MTUS2: variants seen among roughly 807,000 people sequenced by gnomAD.
The protein encoded by MTUS2 is microtubule associated scaffold protein 2, also known as microtubule-associated tumor suppressor candidate 2.
A neutral mutation model predicts 114.1 loss-of-function variants in MTUS2; 40 were observed. That is an observed-to-expected ratio of 0.35 (90% confidence interval 0.27 to 0.46). The LOEUF (loss-of-function observed/expected upper bound fraction) is 0.46, where lower values mean the gene tolerates loss of function less well. Among genes scored for constraint, MTUS2 ranks in the 20% least tolerant of loss-of-function variants. The pLI is 1.00. For missense variants in MTUS2, 1,679 were observed against 1,705.4 expected (o/e 0.98, Z 0.27); for synonymous variants, 688 against 672.0 (o/e 1.02, Z -0.37).
intron 2 of MTUS2, among the ~76,000 whole-genome samples, chr13:28,953,994 T>A (rs1882937819): frequency 6.6e-6 from 1 of 152,172 alleles, no homozygotes; most frequent in Non-Finnish European, 1.5e-5. Flanking sequence ...GACAAATGTG[T>A]CAATGGAACA....
intron 2 of MTUS2, among the ~76,000 whole-genome samples, chr13:28,933,470 T>C (rs1239641384): frequency 1.3e-5 from 2 of 152,228 alleles, no homozygotes; most frequent in African/African-American, 4.8e-5. Flanking sequence ...TTGAAGTCAA[T>C]TGATCATATG....
intron 2 of MTUS2, among the ~76,000 whole-genome samples, chr13:28,932,958 G>A (rs930707839): frequency 2.0e-5 from 3 of 152,092 alleles, no homozygotes; most frequent in African/African-American, 7.2e-5. Context: ...CCAAAATAAA[G>A]GGCATAGTTT....
chr13:29,009,366 A>AC (rs1885740214), intron 2 of MTUS2, among the ~76,000 whole-genome samples: 1 of 151,982 alleles, frequency 6.6e-6, no homozygotes, highest in Admixed American at 6.5e-5. Context: ...ATTAACTATA[A>AC]TAAATATATC....
intron 1 of MTUS2, among the ~76,000 whole-genome samples, chr13:28,822,972 G>T (rs1874010947): frequency 6.6e-6 from 1 of 152,232 alleles, no homozygotes; most frequent in African/African-American, 2.4e-5. Flanking sequence ...CTAGCTCTTT[G>T]CCTCGTGATC....
intron 6 of MTUS2, among the ~76,000 whole-genome samples, chr13:29,296,221 G>A (rs1178057420): frequency 6.6e-6 from 1 of 151,784 alleles, no homozygotes; most frequent in East Asian, 1.9e-4. Context: ...TTGTTTGTTT[G>A]TTTGTTTGTG....
At chr13:29,074,606 G>T (rs1326847786) in intron 4 of MTUS2, among the ~76,000 whole-genome samples, 1 of 152,126 alleles carries the variant, frequency 6.6e-6, no homozygotes, top group Non-Finnish European at 1.5e-5. Context: ...TACTGTCCCT[G>T]AGGTAATTTT....
intron 8 of MTUS2, among the ~76,000 whole-genome samples, chr13:29,411,208 G>A (rs1875214152): frequency 1.3e-5 from 2 of 152,278 alleles, no homozygotes; most frequent in South Asian, 2.1e-4. Flanking sequence ...TATTTTTGTG[G>A]TTTTATTTTG....
At chr13:28,995,739 T>A (rs1452851366) in intron 2 of MTUS2, among the ~76,000 whole-genome samples, 2 of 152,348 alleles carry the variant, frequency 1.3e-5, no homozygotes, top group East Asian at 3.9e-4. Context: ...TTTTTGCACA[T>A]CGATTTTGTA....
At chr13:29,112,402 TGAG>T (rs1247323226) in intron 5 of MTUS2, among the ~76,000 whole-genome samples, 1 of 152,084 alleles carries the variant, frequency 6.6e-6, no homozygotes, top group East Asian at 1.9e-4. Context: ...GTTTTGATAT[TGAG>T]GAGAATGGGT....
intron 5 of MTUS2, among the ~76,000 whole-genome samples, chr13:29,240,481 C>T (rs1459005527): frequency 1.3e-5 from 2 of 152,182 alleles, no homozygotes; most frequent in African/African-American, 4.8e-5. Flanking sequence ...AATATCTGAT[C>T]CTTGTTTACA....
chr13:29,306,390 C>T (rs1211475397), intron 6 of MTUS2, among the ~76,000 whole-genome samples: 1 of 152,122 alleles, frequency 6.6e-6, no homozygotes. Context: ...TAGAAAACCC[C>T]ATCATCTCAG....
At chr13:29,228,753 G>A (rs370441111) in intron 5 of MTUS2, among the ~76,000 whole-genome samples, 56 of 152,138 alleles carry the variant, frequency 3.7e-4, no homozygotes, top group African/African-American at 1.2e-3. Flanking sequence ...AAGGAGAAGG[G>A]GGGGAAGAAA....
chr13:29,219,648 T>A (rs1428009998), intron 5 of MTUS2, among the ~76,000 whole-genome samples: 2 of 152,216 alleles, frequency 1.3e-5, no homozygotes, highest in African/African-American at 4.8e-5. Context: ...AGAAGACTGT[T>A]TCATCTACAT....
chr13:28,962,756 G>A (rs879816474), intron 2 of MTUS2, among the ~76,000 whole-genome samples: 4 of 152,116 alleles, frequency 2.6e-5, no homozygotes, highest in Non-Finnish European at 5.9e-5. Context: ...CTCTACCCAG[G>A]ACTTGTTCTG....
chr13:29,079,040 A>G (rs762327660), intron 4 of MTUS2, among the ~76,000 whole-genome samples: 6 of 152,166 alleles, frequency 3.9e-5, no homozygotes, highest in Non-Finnish European at 8.8e-5. Context: ...CCCACCAGCT[A>G]TATGTGGAGG....
intron 5 of MTUS2, among the ~76,000 whole-genome samples, chr13:29,226,711 TA>T (rs1896120803): frequency 6.6e-6 from 1 of 152,162 alleles, no homozygotes; most frequent in African/African-American, 2.4e-5. Context: ...TCTTTAATAT[TA>T]AAATTTTTAC....
chr13:28,866,736 G>A (rs1003036573), intron 2 of MTUS2, among the ~76,000 whole-genome samples: 7 of 152,050 alleles, frequency 4.6e-5, no homozygotes, highest in African/African-American at 1.7e-4. Context: ...TTTGAATTCA[G>A]CCTTTATTTT....
At chr13:29,327,667 T>C (rs1391735872) in intron 7 of MTUS2, among the ~76,000 whole-genome samples, 1 of 151,982 alleles carries the variant, frequency 6.6e-6, no homozygotes, top group Admixed American at 6.6e-5. Flanking sequence ...CTGTAATAAG[T>C]AAAGCCAAAT....
intron 8 of MTUS2, among the ~76,000 whole-genome samples, chr13:29,386,396 C>G (rs961409373): frequency 7.2e-5 from 11 of 152,180 alleles, no homozygotes; most frequent in Non-Finnish European, 1.3e-4. Context: ...TCTGACTTGA[C>G]AGGTTTCTTG....
Sources: allele counts gnomAD v4.1 joint callset (sites outside exome capture counted in the v4.1 genomes callset), GRCh38; gene constraint gnomAD v4.1.1; transcripts MANE v1.5; gene names NCBI Gene and HGNC (gene_info 2026-07-23, HGNC 2026-07-21).